Variants in BIN2 observed in about 807,000 individuals in gnomAD.
BIN2 encodes breast cancer associated protein BRAP1.
A neutral mutation model predicts 67.9 loss-of-function variants in BIN2; 43 were observed. The ratio of observed to expected loss-of-function variants is 0.63; its 90% CI spans 0.50 to 0.82. The LOEUF is 0.82. Ranked by LOEUF, BIN2 falls within the 40% of genes least tolerant of loss-of-function variation. BIN2 has a pLI of 0.00. For missense variants in BIN2, 581 were observed against 671.6 expected, an observed-to-expected ratio of 0.87 and a Z score of 1.49; for synonymous variants, 244 against 246.8, an observed-to-expected ratio of 0.99 and a Z score of 0.11.
intron 2 of BIN2, among the ~76,000 whole-genome samples, chr12:51,305,110 G>T (rs1945835154): frequency 6.6e-6 from 1 of 152,080 alleles, no homozygotes; most frequent in African/African-American, 2.4e-5. Flanking sequence ...GCCAAGGCAG[G>T]TGGATCACCC....
intron 2 of BIN2, among the ~76,000 whole-genome samples, chr12:51,306,950 G>T (rs1945877850): frequency 6.6e-6 from 1 of 152,248 alleles, no homozygotes. Flanking sequence ...TGATAATCAA[G>T]ATTTTAAAGA....
chr12:51,313,222 G>GGAAGGAAT (rs1946041676), intron 2 of BIN2, among the ~76,000 whole-genome samples: 2 of 145,902 alleles, frequency 1.4e-5, no homozygotes, highest in African/African-American at 5.2e-5. Context: ...AAGGAAGGAA[G>GGAAGGAAT]GCAGGAAGGC....
At chr12:51,319,976 T>G (rs1402461077) in intron 1 of BIN2, among the ~76,000 whole-genome samples, 1 of 151,726 alleles carries the variant, frequency 6.6e-6, no homozygotes, top group African/African-American at 2.4e-5. Flanking sequence ...CTTCCTTCCT[T>G]TTCTCCCTCT....
chr12:51,287,338 G>GTT lies in BIN2; in HGVS notation c.1596+768_1596+769dup, dbSNP rs200002209. Among the ~76,000 whole-genome samples, 8 of 139,858 alleles carry GTT rather than the reference G, an allele frequency of 5.7e-5. No individual in the cohort carries two copies. The East Asian group carries it at 8.6e-4, about 15-fold the overall frequency. The allele number at this position is 139,858 out of a possible 152,430, so 91.8% of individuals were successfully genotyped here. A position where few individuals can be genotyped will look rare whatever the true frequency, so the allele number is the denominator to read the frequency against. ...ACTTAAGGAAAAGTTGTTTTTTTTT[G>GTT]TTTTTTTTTTTGAGACAGAGTTTCA... On this transcript the variant is annotated intron_variant, in intron 11 of 12. Coordinates refer to ENST00000615107, the MANE Select transcript of BIN2 (RefSeq NM_016293.4).
chr12:51,314,119 C>G (rs987331918), intron 1 of BIN2, among the ~76,000 whole-genome samples: 2 of 152,114 alleles, frequency 1.3e-5, no homozygotes, highest in African/African-American at 4.8e-5. Context: ...ACGATCTCGG[C>G]TCACTGCAAC....
intron 8 of BIN2, among the ~76,000 whole-genome samples, 200 bp from the exon 9 acceptor site, chr12:51,296,078 A>C (rs1439739283): frequency 6.6e-6 from 1 of 151,902 alleles, no homozygotes; most frequent in Non-Finnish European, 1.5e-5. Flanking sequence ...TCTGTGTTCT[A>C]AGTTCTGCCT....
chr12:51,313,799 TC>T, intron 2 of BIN2, 23 bp downstream of exon 2: 5 of 1,594,830 alleles, frequency 3.1e-6, no homozygotes, highest in Non-Finnish European at 4.3e-6. Flanking sequence ...CTTCCAAGCT[TC>T]CCTCCCCTAC....
chr12:51,297,237 T>C, intron 7 of BIN2, 73 bp from the exon 8 acceptor site: 3 of 1,473,106 alleles, frequency 2.0e-6, no homozygotes, highest in Admixed American at 1.8e-5. Flanking sequence ...AAATACAAAG[T>C]AGGACTTAAG....
intron 1 of BIN2, among the ~76,000 whole-genome samples, chr12:51,320,542 G>T (rs1435936404): frequency 6.6e-6 from 1 of 151,428 alleles, no homozygotes; most frequent in Admixed American, 6.6e-5. Context: ...TTCAAATTCA[G>T]CCTCCACTAT....
chr12:51,323,798 C>T (rs1378636492), intron 1 of BIN2, among the ~76,000 whole-genome samples: 1 of 152,214 alleles, frequency 6.6e-6, no homozygotes, highest in East Asian at 1.9e-4. Flanking sequence ...CTTCCCTTAT[C>T]CTTGCCCAAG....
rs757504090 is a variant in BIN2, at chr12:51,295,781, T to G, written c.761+15A>C. ...ACAGGACAAGCGAAGCAAAAAAGTC[T>G]TGGATGCTGCTCACCTTGACAGTCC... is the stretch of plus-strand genomic sequence containing the variant. On this transcript the variant is annotated intron_variant, in intron 9 of 12. Transcript: ENST00000615107. 1 of 1,611,134 alleles carries G rather than the reference T, an allele frequency of 6.2e-7. No individual in the cohort carries two copies. Among genetic ancestry groups the G allele is most frequent in the Middle Eastern group, 1.9e-4 (1 of 5,254 alleles).
At chr12:51,310,432 A>G (rs1945966921) in intron 2 of BIN2, among the ~76,000 whole-genome samples, 1 of 152,206 alleles carries the variant, frequency 6.6e-6, no homozygotes, top group Non-Finnish European at 1.5e-5. Context: ...AAGCATGAAG[A>G]CACAATCAGG....
rs1164861056 is a variant in BIN2 at position 51,324,029 on chromosome 12, T to C, written c.74A>G (p.Gln25Arg). 1 of 1,613,348 alleles carries C rather than the reference T, an allele frequency of 6.2e-7. No homozygotes were observed. The highest frequency in any genetic ancestry group is 8.5e-7 in the Non-Finnish European group (1 of 1,179,620). The change falls in exon 1 of 13, where the codon CAG becomes CGG. Residue 25 changes from glutamine to arginine, a missense_variant. Coordinates refer to ENST00000615107, the MANE Select transcript of BIN2 (RefSeq NM_016293.4). ...CGAGGCCCGGCCACCTACCTTCTCCTGGGCCCTGCTAAACTTCTTCTGCAC... is the reference window on the plus strand; with the variant it reads ...CGAGGCCCGGCCACCTACCTTCTCCCGGGCCCTGCTAAACTTCTTCTGCAC... Reference protein sequence around the residue: ...KQVQKKFSRAQEKVLQKLGKA... With the variant: ...KQVQKKFSRAREKVLQKLGKA...
chr12:51,289,308 A>G (rs1247407273), intron 10 of BIN2, among the ~76,000 whole-genome samples: 1 of 152,038 alleles, frequency 6.6e-6, no homozygotes, highest in African/African-American at 2.4e-5. Context: ...GTCTTTCCAT[A>G]TAATGTGACT....
Position 51,297,175 on chromosome 12 carries a change from G to A in BIN2, c.603-11C>T. 1 of 1,610,416 alleles carries A rather than the reference G, an allele frequency of 6.2e-7. No homozygotes were observed. Among genetic ancestry groups the A allele is most frequent in the South Asian group, 1.1e-5 (1 of 90,978 alleles). ...TAGCAGCCAATACGACTATTAGGAAGCAAAACCACAAACACATACGAGTAA... is the reference window on the plus strand; with the variant it reads ...TAGCAGCCAATACGACTATTAGGAAACAAAACCACAAACACATACGAGTAA... On this transcript the variant is annotated splice_polypyrimidine_tract_variant and intron_variant, in intron 7 of 12. Coordinates refer to ENST00000615107, the MANE Select transcript of BIN2 (RefSeq NM_016293.4).
At chr12:51,305,640 A>T (rs1190637555) in intron 2 of BIN2, among the ~76,000 whole-genome samples, 1 of 151,254 alleles carries the variant, frequency 6.6e-6, no homozygotes. Context: ...AAAAAAAATG[A>T]GAAAAAAAGG....
chr12:51,318,359 T>G (rs1946185363), intron 1 of BIN2, among the ~76,000 whole-genome samples: 1 of 151,022 alleles, frequency 6.6e-6, no homozygotes, highest in Non-Finnish European at 1.5e-5. Flanking sequence ...CCTCACCGGC[T>G]CAAGCCATTC....
rs1469053591 is a variant in BIN2, at chr12:51,302,692, G to A, written c.306C>T (p.Ile102=). Reference sequence around the variant, plus strand: ...AAACTCAAGCCACTCTTACCCATACGATGGCCTTCAGCTCCTCATGACCGT... The same window carrying A: ...AAACTCAAGCCACTCTTACCCATACAATGGCCTTCAGCTCCTCATGACCGT... ...EWDGHEELKA[I]VWNNDLLWED... Residue 102 remains isoleucine (I), a synonymous_variant, in exon 4 of 13, where the codon ATC becomes ATT. Transcript: ENST00000615107. The A allele has an allele frequency of 5.0e-6, 8 of 1,613,120 alleles. No individual in the cohort carries two copies. Among genetic ancestry groups the A allele is most frequent in the Non-Finnish European group, 6.8e-6 (8 of 1,179,272 alleles).
intron 11 of BIN2, among the ~76,000 whole-genome samples, chr12:51,286,141 A>G (rs1945232031): frequency 6.6e-6 from 1 of 152,066 alleles, no homozygotes; most frequent in African/African-American, 2.4e-5. Flanking sequence ...AAAAATGGCT[A>G]TGTTTTTTCC....
Sources: allele counts gnomAD v4.1 joint callset (sites outside exome capture counted in the v4.1 genomes callset), GRCh38; gene constraint gnomAD v4.1.1; transcripts MANE v1.5; gene names NCBI Gene and HGNC (gene_info 2026-07-23, HGNC 2026-07-21).